The following CUX1 variants were observed in gnomAD, a reference collection of about 807,000 sequenced individuals.
CUX1 encodes the protein cut like homeobox 1, also known as protein CASP.
In CUX1, 31 loss-of-function variants were observed where a neutral mutation model predicts 158.8. That is an observed-to-expected ratio of 0.20 (90% CI 0.15 to 0.26). The LOEUF is 0.26. Ranked by LOEUF, CUX1 falls within the 10% of genes least tolerant of loss-of-function variation. The pLI is 1.00. For synonymous variants in CUX1, 879 were observed against 862.1 expected (o/e 1.02, Z -0.34); for missense variants, 1,589 against 2,014.6 (o/e 0.79, Z 4.04).
upstream of CUX1, chr7:101,817,291 C>G: frequency 1.7e-5 from 17 of 984,948 alleles, no homozygotes; most frequent in Non-Finnish European, 2.0e-5. The surrounding 1 kb of genome is among the most constrained non-coding windows in gnomAD (Gnocchi z 4.1). Context: ...GGCGCCGGGT[C>G]CCTTCCTTGC....
downstream of CUX1, among the ~76,000 whole-genome samples, chr7:102,259,837 A>G (rs1332593943): frequency 6.6e-6 from 1 of 151,806 alleles, no homozygotes. Context: ...TAACTCCTAT[A>G]GGCCCAGCAC....
intron 9 of CUX1, among the ~76,000 whole-genome samples, chr7:102,159,801 C>T (rs1585972678): frequency 6.6e-6 from 1 of 152,212 alleles, no homozygotes; most frequent in East Asian, 1.9e-4. Flanking sequence ...GCAGCAGTTG[C>T]AGTGAGCCAA....
At chr7:102,081,761 G>C (rs975474152) in intron 4 of CUX1, among the ~76,000 whole-genome samples, 3 of 146,184 alleles carry the variant, frequency 2.1e-5, no homozygotes, top group Admixed American at 1.4e-4. Flanking sequence ...GCCTCCCTGG[G>C]ATTACAGGCG....
In CUX1 at chr7:102,249,477, T is replaced by G. The variant is rs1801247736; in HGVS notation, c.*435T>G. On this transcript the variant is annotated 3_prime_UTR_variant, in exon 24 of 24. Coordinates refer to ENST00000292535, the MANE Select transcript of CUX1 (RefSeq NM_181552.4). ...TGTGTGGTCGAGCTTTTTTGTACCC[T>G]GAAGTGTTTTTTTTATTGCCCTAAG... 17 of 986,020 alleles carry G rather than the reference T, an allele frequency of 1.7e-5. No homozygotes were observed. The highest frequency in any genetic ancestry group is 1.7e-5 in the Non-Finnish European group (14 of 830,008). The allele number at this position is 986,020 out of a possible 1,614,324, so 61.1% of individuals were successfully genotyped here.
chr7:101,928,976 G>A (rs992355195), intron 2 of CUX1, among the ~76,000 whole-genome samples: 11 of 151,770 alleles, frequency 7.2e-5, no homozygotes, highest in Admixed American at 3.3e-4. Context: ...GGCCACAAAT[G>A]GACTTTAAAG....
intron 8 of CUX1, among the ~76,000 whole-genome samples, chr7:102,150,060 G>T (rs1487418289): frequency 5.3e-5 from 8 of 152,212 alleles, no homozygotes; most frequent in Non-Finnish European, 8.8e-5. Context: ...TTTAAAGCAG[G>T]AAGAATTAAT....
At position 102,250,486 on chromosome 7, in the gene CUX1, A is replaced by G; in HGVS notation, c.*1444A>G. 2.0e-6 allele frequency: 2 copies of G among 985,072 alleles called. No homozygotes were observed. The highest frequency in any genetic ancestry group is 1.1e-4 in the East Asian group (1 of 8,792). The allele number at this position is 985,072 out of a possible 1,614,324, so 61.0% of individuals were successfully genotyped here. A position where few individuals can be genotyped will look rare whatever the true frequency, so the allele number is the denominator to read the frequency against. On this transcript the variant is annotated 3_prime_UTR_variant, in exon 24 of 24. Coordinates refer to ENST00000292535, the MANE Select transcript of CUX1 (RefSeq NM_181552.4). ...CTCTCTTCTTTCCCTTTTTCTTCCC[A>G]CCGCAAGCACTGATGACCCTGTTGA...
chr7:102,038,560 A>G (rs1181923295), intron 3 of CUX1, among the ~76,000 whole-genome samples: 1 of 152,244 alleles, frequency 6.6e-6, no homozygotes, highest in Non-Finnish European at 1.5e-5. Flanking sequence ...AGTTAGGAGC[A>G]TAAGTTGATT....
intron 14 of CUX1, among the ~76,000 whole-genome samples, chr7:102,269,825 C>T (rs943941157): frequency 8.5e-5 from 13 of 152,220 alleles, no homozygotes; most frequent in African/African-American, 2.2e-4. Flanking sequence ...CCATGCCCCC[C>T]CCAAACGCTT....
At chr7:102,155,272 A>T (rs782687607) in intron 8 of CUX1, among the ~76,000 whole-genome samples, 1 of 151,868 alleles carries the variant, frequency 6.6e-6, no homozygotes, top group Admixed American at 6.6e-5. Context: ...GGACAGGCGC[A>T]GTGGCTCATG....
chr7:101,946,003 C>T (rs1306933122), intron 2 of CUX1, among the ~76,000 whole-genome samples: 2 of 152,026 alleles, frequency 1.3e-5, no homozygotes, highest in Admixed American at 6.6e-5. Flanking sequence ...GTCAGGAGGG[C>T]GGCACCTGGA....
chr7:101,820,231 T>C (rs1289387918), intron 1 of CUX1, among the ~76,000 whole-genome samples: 1 of 152,240 alleles, frequency 6.6e-6, no homozygotes, highest in Non-Finnish European at 1.5e-5. Flanking sequence ...TCCTCTGTAA[T>C]GCCCCAGGAA....
At position 102,197,152 on chromosome 7, in the gene CUX1, C is replaced by T. The variant is rs782675705; in HGVS notation, c.1741C>T (p.Leu581=). Reference sequence around the variant, plus strand: ...TATTTTCGGACATTATGTGTTGGGACTGTCTCAAGGGTCCGTGAGCGAGAT... The same window carrying T: ...TATTTTCGGACATTATGTGTTGGGATTGTCTCAAGGGTCCGTGAGCGAGAT... The part of the protein sequence containing the change: ...QRIFGHYVLG[L]SQGSVSEILA... The change falls in exon 15 of 24, where the codon CTG becomes TTG. Residue 581 remains leucine (L), a synonymous_variant. Transcript: ENST00000292535. 1 of 1,614,240 alleles carries T rather than the reference C, an allele frequency of 6.2e-7. No individual in the cohort carries two copies. Among genetic ancestry groups the T allele is most frequent in the South Asian group, 1.1e-5 (1 of 91,088 alleles).
chr7:102,170,820 A>G (rs892991955), intron 10 of CUX1, among the ~76,000 whole-genome samples: 1 of 152,044 alleles, frequency 6.6e-6, no homozygotes, highest in South Asian at 2.1e-4. Flanking sequence ...ACAGTCACAG[A>G]CACAGTCACG....
intron 20 of CUX1, among the ~76,000 whole-genome samples, chr7:102,222,015 T>C (rs1554527106): frequency 6.6e-6 from 1 of 151,998 alleles, no homozygotes; most frequent in Non-Finnish European, 1.5e-5. Flanking sequence ...TCCCAGCACT[T>C]TGGGAGGCAG....
At chr7:102,094,831 GC>G (rs782278088) in intron 4 of CUX1, among the ~76,000 whole-genome samples, 5 of 152,120 alleles carry the variant, frequency 3.3e-5, no homozygotes, top group Admixed American at 1.3e-4. Context: ...GAAACCATTT[GC>G]CCAGCACAAG....
intron 2 of CUX1, among the ~76,000 whole-genome samples, chr7:102,023,828 G>A (rs1447184654): frequency 2.0e-5 from 3 of 152,126 alleles, no homozygotes; most frequent in Admixed American, 6.6e-5. Flanking sequence ...CTCTTCAACT[G>A]TCTTTAAATA....
intron 2 of CUX1, among the ~76,000 whole-genome samples, chr7:101,954,476 G>A (rs1190287494): frequency 6.6e-6 from 1 of 152,226 alleles, no homozygotes; most frequent in East Asian, 1.9e-4. Flanking sequence ...GTAGCTGTAT[G>A]TATTGCCAAG....
chr7:101,966,662 A>C (rs1811255251), intron 2 of CUX1, among the ~76,000 whole-genome samples: 1 of 152,102 alleles, frequency 6.6e-6, no homozygotes, highest in Non-Finnish European at 1.5e-5. Context: ...GGAAGGATAG[A>C]AAGAGCATGG....
Sources: gnomAD v4.1 joint callset for allele counts (sites outside exome capture counted in the v4.1 genomes callset) on GRCh38, gnomAD v4.1.1 for gene constraint, Gnocchi (gnomAD v3.1) non-coding constraint, MANE v1.5 for transcripts, NCBI Gene and HGNC (gene_info 2026-07-23, HGNC 2026-07-21) for gene names.